The following RABGAP1 variants were observed in gnomAD, a reference collection of about 807,000 sequenced individuals.
The protein encoded by RABGAP1 is rab GTPase-activating protein 1.
In RABGAP1, 23 loss-of-function variants were observed where a neutral mutation model predicts 137.6. The observed-to-expected ratio is 0.17, with a 90% CI of 0.12 to 0.24. RABGAP1 has a LOEUF of 0.24. Ranked by LOEUF, RABGAP1 falls within the 10% of genes least tolerant of loss-of-function variation. RABGAP1 has a pLI of 1.00. For synonymous variants in RABGAP1, 451 were observed against 450.7 expected, an observed-to-expected ratio of 1.00 and a Z score of -0.01; for missense variants, 906 against 1,275.8, an observed-to-expected ratio of 0.71 and a Z score of 4.42.
intron 2 of RABGAP1, among the ~76,000 whole-genome samples, chr9:122,959,703 G>A (rs35075855): frequency 6.6e-6 from 1 of 152,152 alleles, no homozygotes; most frequent in African/African-American, 2.4e-5. Flanking sequence ...GTGCAGTGAA[G>A]AAGACAAGAA....
At chr9:123,015,948 C>A (rs1037403440) in intron 12 of RABGAP1, among the ~76,000 whole-genome samples, 6 of 152,020 alleles carry the variant, frequency 3.9e-5, no homozygotes, top group Non-Finnish European at 1.5e-5. Context: ...TCAGATAATA[C>A]ACAACAGTCA....
chr9:123,009,039 G>A (rs2030564230), intron 10 of RABGAP1, among the ~76,000 whole-genome samples: 1 of 152,102 alleles, frequency 6.6e-6, no homozygotes, highest in African/African-American at 2.4e-5. Context: ...GTAATCCTTG[G>A]GTGGACATGT....
intron 13 of RABGAP1, among the ~76,000 whole-genome samples, chr9:123,038,986 A>C (rs909018264): frequency 6.6e-6 from 1 of 152,186 alleles, no homozygotes; most frequent in Middle Eastern, 3.2e-3. Flanking sequence ...AGAAGGAAAT[A>C]TTGATCCCTT....
chr9:123,039,961 C>T (rs945078954), intron 13 of RABGAP1, among the ~76,000 whole-genome samples: 3 of 152,072 alleles, frequency 2.0e-5, no homozygotes, highest in African/African-American at 7.2e-5. Flanking sequence ...CTTGATACTG[C>T]CATAGGGTAT....
the RABGAP1 span, among the ~76,000 whole-genome samples, chr9:122,934,963 A>G: frequency 6.6e-6 from 1 of 152,200 alleles, no homozygotes; most frequent in African/African-American, 2.4e-5. Context: ...CTGTCTTTAG[A>G]TTGGAGAGTT....
chr9:122,946,951 T>A (rs1833979885), intron 1 of RABGAP1, among the ~76,000 whole-genome samples: 2 of 152,142 alleles, frequency 1.3e-5, no homozygotes, highest in Admixed American at 6.6e-5. Context: ...GAGAAAGACA[T>A]GGATATCCCA....
At chr9:122,948,691 G>A (rs777251310) in intron 1 of RABGAP1, among the ~76,000 whole-genome samples, 21 of 152,142 alleles carry the variant, frequency 1.4e-4, no homozygotes, top group Non-Finnish European at 2.8e-4. Context: ...AGTGGTTAGT[G>A]TTTGGTCCAA....
chr9:122,969,936 G>T (rs971411301), intron 2 of RABGAP1, among the ~76,000 whole-genome samples: 3 of 152,052 alleles, frequency 2.0e-5, no homozygotes, highest in African/African-American at 7.2e-5. Flanking sequence ...TTGCTCTGTT[G>T]CCCAGGCTGG....
At chr9:123,047,260 G>C (rs1043745964) in intron 13 of RABGAP1, among the ~76,000 whole-genome samples, 8 of 152,170 alleles carry the variant, frequency 5.3e-5, no homozygotes, top group Non-Finnish European at 5.9e-5. Flanking sequence ...TGTTCGAGGA[G>C]GTAAAAAATA....
chr9:123,019,592 T>C (rs144860652), intron 12 of RABGAP1, among the ~76,000 whole-genome samples: 7 of 152,252 alleles, frequency 4.6e-5, no homozygotes, highest in Admixed American at 4.6e-4. Context: ...TGGAACTACA[T>C]GAGTCACCAT....
chr9:122,967,724 A>T (rs1286209604), intron 2 of RABGAP1, among the ~76,000 whole-genome samples: 7 of 32,320 alleles, frequency 2.2e-4, no homozygotes. Context: ...GCTGTCTCAT[A>T]TGTCTTTTTT....
intron 13 of RABGAP1, among the ~76,000 whole-genome samples, chr9:123,053,390 G>A (rs1246146868): frequency 6.6e-6 from 1 of 152,092 alleles, no homozygotes; most frequent in South Asian, 2.1e-4. Context: ...AATTAGGAGA[G>A]AATTATTTTA....
At chr9:123,004,651 C>T (rs745598063) in intron 10 of RABGAP1, among the ~76,000 whole-genome samples, 2 of 152,008 alleles carry the variant, frequency 1.3e-5, no homozygotes, top group Non-Finnish European at 2.9e-5. Context: ...AGTTCATTCA[C>T]GTATTTTCAG....
At chr9:123,056,670 G>T (rs1373472137) in intron 13 of RABGAP1, among the ~76,000 whole-genome samples, 1 of 151,838 alleles carries the variant, frequency 6.6e-6, no homozygotes, top group East Asian at 1.9e-4. Context: ...AGATTAGGGA[G>T]TGGTGATGAC....
chr9:123,033,696 A>T (rs2032437680), intron 13 of RABGAP1: 1 of 152,148 alleles, frequency 6.6e-6, no homozygotes, highest in African/African-American at 2.4e-5. Flanking sequence ...CTTTCTGCTA[A>T]GGATGTATTG....
chr9:123,008,653 TTTC>T (rs1363613220), intron 10 of RABGAP1, among the ~76,000 whole-genome samples: 1 of 152,190 alleles, frequency 6.6e-6, no homozygotes, highest in Non-Finnish European at 1.5e-5. Flanking sequence ...TTAAATTCTC[TTTC>T]TTATTAAAGT....
At chr9:122,949,418 G>A (rs1834106203) in intron 1 of RABGAP1, among the ~76,000 whole-genome samples, 1 of 152,146 alleles carries the variant, frequency 6.6e-6, no homozygotes, top group Non-Finnish European at 1.5e-5. Context: ...GGAGCCTGAG[G>A]CAGGAAAATC....
At chr9:122,939,503 A>C (rs1451895782), upstream of RABGAP1, 2 of 152,100 alleles carry the variant, frequency 1.3e-5, no homozygotes, top group Non-Finnish European at 2.9e-5. Flanking sequence ...TTTTAAATGC[A>C]ATGTTTTCTT....
At chr9:123,009,101 T>C (rs2030570763) in intron 10 of RABGAP1, among the ~76,000 whole-genome samples, 1 of 152,206 alleles carries the variant, frequency 6.6e-6, no homozygotes, top group Non-Finnish European at 1.5e-5. Context: ...CTGTCACTTG[T>C]TTTTGTAAAT....
Sources: gnomAD v4.1 joint callset for allele counts (sites outside exome capture counted in the v4.1 genomes callset) on GRCh38, gnomAD v4.1.1 for gene constraint, MANE v1.5 for transcripts, NCBI Gene and HGNC (gene_info 2026-07-23, HGNC 2026-07-21) for gene names.